GSK3B: variants seen among roughly 807,000 people sequenced by gnomAD.
GSK3B encodes glycogen synthase kinase-3 beta.
GSK3B carries 15 observed loss-of-function variants against 56.4 expected under a neutral mutation model. The ratio of observed to expected loss-of-function variants is 0.27; its 90% CI spans 0.18 to 0.41. The LOEUF (loss-of-function observed/expected upper bound fraction) is 0.41, where lower values mean the gene tolerates loss of function less well. Among genes scored for constraint, GSK3B ranks in the 10% least tolerant of loss-of-function variants. The pLI is 1.00. For missense variants in GSK3B, 300 were observed against 513.4 expected (o/e 0.58, Z 4.02); for synonymous variants, 181 against 188.9 (o/e 0.96, Z 0.34).
At chr3:120,023,798 G>A (rs1394605540) in intron 1 of GSK3B, among the ~76,000 whole-genome samples, 1 of 152,124 alleles carries the variant, frequency 6.6e-6, no homozygotes, top group East Asian at 1.9e-4. Context: ...AATCTCAGAG[G>A]TCAAGAGCAG....
intron 7 of GSK3B, among the ~76,000 whole-genome samples, chr3:119,894,795 C>T (rs750651695): frequency 1.3e-5 from 2 of 152,032 alleles, no homozygotes; most frequent in Non-Finnish European, 2.9e-5. Context: ...TTTTGTGTTA[C>T]ATGTATGAAA....
At chr3:119,853,180 A>T (rs901406231) in intron 9 of GSK3B, among the ~76,000 whole-genome samples, 1 of 152,186 alleles carries the variant, frequency 6.6e-6, no homozygotes, top group Non-Finnish European at 1.5e-5. Context: ...TCACATAGGG[A>T]ATCCTTTCCC....
At chr3:119,941,400 C>T (rs909227564) in intron 3 of GSK3B, among the ~76,000 whole-genome samples, 1 of 152,210 alleles carries the variant, frequency 6.6e-6, no homozygotes, top group Non-Finnish European at 1.5e-5. Context: ...TAGCACACTG[C>T]TTCTGGAGGA....
chr3:119,934,706 C>A (rs2056977829), intron 3 of GSK3B, among the ~76,000 whole-genome samples: 1 of 152,088 alleles, frequency 6.6e-6, no homozygotes, highest in South Asian at 2.1e-4. Flanking sequence ...GGAAACTTTG[C>A]AGGGTCTGTC....
At chr3:120,031,968 C>T (rs563032607) in intron 1 of GSK3B, among the ~76,000 whole-genome samples, 4 of 152,314 alleles carry the variant, frequency 2.6e-5, no homozygotes, top group African/African-American at 9.6e-5. Flanking sequence ...TGGATTAACA[C>T]TTAATGTCTC....
chr3:119,888,352 T>C (rs1171726412), intron 7 of GSK3B, among the ~76,000 whole-genome samples: 2 of 152,124 alleles, frequency 1.3e-5, no homozygotes, highest in Non-Finnish European at 2.9e-5. Context: ...TCCCAAATAA[T>C]ACTCTTATAA....
At chr3:119,851,281 G>T (rs1225950210) in intron 9 of GSK3B, among the ~76,000 whole-genome samples, 2 of 152,130 alleles carry the variant, frequency 1.3e-5, no homozygotes, top group Non-Finnish European at 2.9e-5. Flanking sequence ...AAATTCCCAT[G>T]AAAAGACAAA....
At chr3:119,895,420 T>C (rs2108069876) in intron 7 of GSK3B, among the ~76,000 whole-genome samples, 1 of 106,122 alleles carries the variant, frequency 9.4e-6, no homozygotes, top group East Asian at 2.7e-4. Context: ...TGACTTCAAG[T>C]CTTCAGGATA....
intron 2 of GSK3B, among the ~76,000 whole-genome samples, chr3:119,962,802 TG>T (rs2057284663): frequency 6.6e-6 from 1 of 152,168 alleles, no homozygotes; most frequent in Non-Finnish European, 1.5e-5. Context: ...GAGGGGCTGG[TG>T]GGAAGGTTTC....
chr3:119,845,010 T>C (rs1043156204), intron 9 of GSK3B, among the ~76,000 whole-genome samples: 6 of 152,128 alleles, frequency 3.9e-5, no homozygotes, highest in African/African-American at 1.4e-4. Context: ...GTTCAACATA[T>C]GCAAATCAAT....
At chr3:119,839,196 T>C (rs2055736316) in intron 10 of GSK3B, among the ~76,000 whole-genome samples, 1 of 152,204 alleles carries the variant, frequency 6.6e-6, no homozygotes, top group Non-Finnish European at 1.5e-5. Flanking sequence ...AGCAGCAATA[T>C]AGAGAATTAG....
intron 2 of GSK3B, among the ~76,000 whole-genome samples, chr3:119,977,806 G>A (rs2057421942): frequency 6.6e-6 from 1 of 152,140 alleles, no homozygotes. Context: ...GCAGTGTGTA[G>A]TAACTTACAA....
chr3:120,051,819 G>A (rs1019957603), intron 1 of GSK3B, among the ~76,000 whole-genome samples: 3 of 151,028 alleles, frequency 2.0e-5, no homozygotes, highest in African/African-American at 7.3e-5. Flanking sequence ...GATATGAAGA[G>A]ACTTGCAAAT....
intron 1 of GSK3B, among the ~76,000 whole-genome samples, chr3:120,030,446 T>G (rs141718109): frequency 6.6e-6 from 1 of 152,324 alleles, no homozygotes; most frequent in East Asian, 1.9e-4. Context: ...ATTCCCCTGA[T>G]TAAAACTCTT....
chr3:120,025,213 G>A (rs2057912759), intron 1 of GSK3B, among the ~76,000 whole-genome samples: 2 of 152,090 alleles, frequency 1.3e-5, no homozygotes, highest in Admixed American at 6.6e-5. Flanking sequence ...GCATGGTGGT[G>A]GGTGCCTGTA....
chr3:119,917,301 G>GAA (rs2056791085), intron 4 of GSK3B, among the ~76,000 whole-genome samples: 1 of 152,138 alleles, frequency 6.6e-6, no homozygotes, highest in South Asian at 2.1e-4. Context: ...GTACATCCTT[G>GAA]AAGTTAATGT....
intron 4 of GSK3B, among the ~76,000 whole-genome samples, chr3:119,921,826 A>G (rs574620996): frequency 1.3e-5 from 2 of 152,284 alleles, no homozygotes; most frequent in South Asian, 2.1e-4. Flanking sequence ...GACAATGGTA[A>G]TTTAATTACA....
chr3:120,003,686 T>C (rs2057698923), intron 1 of GSK3B, among the ~76,000 whole-genome samples: 1 of 152,194 alleles, frequency 6.6e-6, no homozygotes. Flanking sequence ...TTATATCCAT[T>C]TAAATTCACA....
chr3:120,009,157 T>C (rs1219755635), intron 1 of GSK3B, among the ~76,000 whole-genome samples: 1 of 152,180 alleles, frequency 6.6e-6, no homozygotes, highest in African/African-American at 2.4e-5. Context: ...CCAGTTAGAA[T>C]AGCGATCATT....
Sources: allele counts gnomAD v4.1 joint callset (sites outside exome capture counted in the v4.1 genomes callset), GRCh38; gene constraint gnomAD v4.1.1; transcripts MANE v1.5; gene names NCBI Gene and HGNC (gene_info 2026-07-23, HGNC 2026-07-21).